The following CNNM2 variants were observed in gnomAD, a reference collection of about 807,000 sequenced individuals.
CNNM2 encodes the protein metal transporter CNNM2.
In CNNM2, 12 loss-of-function variants were observed where a neutral mutation model predicts 66.9. That is an observed-to-expected ratio of 0.18 (90% CI 0.11 to 0.29). CNNM2 has a LOEUF of 0.29. Among genes scored for constraint, CNNM2 ranks in the 10% least tolerant of loss-of-function variants. The pLI, the probability that CNNM2 is intolerant of heterozygous loss-of-function variation, is 1.00. For synonymous variants in CNNM2, 557 were observed against 501.8 expected, an observed-to-expected ratio of 1.11 and a Z score of -1.47; for missense variants, 705 against 1,167.7, an observed-to-expected ratio of 0.60 and a Z score of 5.77.
chr10:102,979,587 TC>T (rs2063688391), intron 1 of CNNM2, among the ~76,000 whole-genome samples: 2 of 152,196 alleles, frequency 1.3e-5, no homozygotes, highest in Admixed American at 6.5e-5. Context: ...AACATTTGTC[TC>T]CCCGCCACCC....
intron 1 of CNNM2, among the ~76,000 whole-genome samples, chr10:102,929,612 G>C (rs1002433120): frequency 1.3e-5 from 2 of 152,066 alleles, no homozygotes; most frequent in African/African-American, 4.8e-5. Context: ...ACTTTCCTTA[G>C]AGTAAGAATA....
chr10:102,935,880 A>G (rs1846221869), intron 1 of CNNM2, among the ~76,000 whole-genome samples: 1 of 150,512 alleles, frequency 6.6e-6, no homozygotes, highest in African/African-American at 2.5e-5. Context: ...TGGACTCCTA[A>G]AGTGTTGGGA....
intron 1 of CNNM2, among the ~76,000 whole-genome samples, chr10:102,926,821 T>G (rs544539323): frequency 1.0e-3 from 155 of 150,312 alleles, no homozygotes; most frequent in Admixed American, 6.2e-3. Flanking sequence ...GCTCATGCCA[T>G]TCTCATGCCT....
chr10:103,031,841 G>GCC (rs2064828130), intron 1 of CNNM2, among the ~76,000 whole-genome samples: 1 of 152,042 alleles, frequency 6.6e-6, no homozygotes, highest in Admixed American at 6.6e-5. Flanking sequence ...CAAAATGCGG[G>GCC]GGGGGCGTGA....
At position 103,054,357 on chromosome 10, in the gene CNNM2, T is replaced by C; in HGVS notation, c.1794T>C (p.Ala598=). Residue 598 remains alanine (A), a synonymous_variant, in exon 3 of 8, where the codon GCT becomes GCC. Transcript: ENST00000369878. This position sits in a 1 kb window ranked among gnomAD's most constrained non-coding sequence, Gnocchi z 5.2. The part of the protein sequence containing the change: ...YTDNRTKKKV[A]HRERKQDFSA... ...ACAACAGAACGAAAAAGAAAGTGGC[T>C]CACCGGGAACGAAAGCAAGATTTTT... 1 of 1,613,866 alleles carries C rather than the reference T, an allele frequency of 6.2e-7. No individual in the cohort carries two copies. Among genetic ancestry groups the C allele is most frequent in the Non-Finnish European group, 8.5e-7 (1 of 1,179,850 alleles).
chr10:103,010,714 G>A (rs1312040410), intron 1 of CNNM2, among the ~76,000 whole-genome samples: 2 of 152,040 alleles, frequency 1.3e-5, no homozygotes, highest in Non-Finnish European at 2.9e-5. Context: ...CTGGGTTCAA[G>A]CGATTCTCCT....
chr10:102,961,303 G>A (rs1167028380), intron 1 of CNNM2, among the ~76,000 whole-genome samples: 2 of 152,138 alleles, frequency 1.3e-5, no homozygotes, highest in African/African-American at 4.8e-5. Flanking sequence ...ATGTATCGTT[G>A]AGTAATTTGA....
rs1334456450 is a variant in CNNM2 at position 103,029,328 on chromosome 10, C to T, written c.1622-20379C>T. 4.2e-4 allele frequency among the ~76,000 whole-genome samples: 62 copies of T among 148,910 alleles called. No individual in the cohort carries two copies. In the East Asian group the frequency reaches 0.011, roughly 27 times the overall value. On this transcript the variant is annotated intron_variant, in intron 1 of 7. Transcript: ENST00000369878. ...AAAAAAAAAAAAAAAAATAGGCGGG[C>T]GTGGTGGCCAGCACCTGTAATCCCA...
At position 103,056,892 on chromosome 10, in the gene CNNM2, G is replaced by T; in HGVS notation, c.2001G>T (p.Lys667Asn). Reference sequence around the variant, plus strand: ...TCCAGGAACTGAAATATGATGAGAAGAACAAGAAAGCCCCCGAATACTACC... The same window carrying T: ...TCCAGGAACTGAAATATGATGAGAATAACAAGAAAGCCCCCGAATACTACC... ...NVIQELKYDEKNKKAPEYYLY... is the reference protein window; with the variant it reads ...NVIQELKYDENNKKAPEYYLY... The change falls in exon 4 of 8, where the codon AAG becomes AAT. Residue 667 changes from lysine to asparagine, a missense_variant. Physicochemically the swap from Lys to Asn is moderately conservative, Grantham distance 94. Transcript: ENST00000369878. The T allele has an allele frequency of 6.2e-7, 1 of 1,613,916 alleles. No individual in the cohort carries two copies. Among genetic ancestry groups the T allele is most frequent in the South Asian group, 1.1e-5 (1 of 91,072 alleles).
intron 1 of CNNM2, among the ~76,000 whole-genome samples, chr10:102,973,951 T>G (rs2063586535): frequency 6.6e-6 from 1 of 152,172 alleles, no homozygotes; most frequent in African/African-American, 2.4e-5. Context: ...CTTCTGTCAT[T>G]CATCCATCTC....
At position 103,081,668 on chromosome 10, in the gene CNNM2, C is replaced by T. The variant is rs537566026; in HGVS notation, c.*4488C>T. 6.6e-6 allele frequency: 1 copy of T among 152,296 alleles called. No homozygotes were observed. Among genetic ancestry groups the T allele is most frequent in the East Asian group, 1.9e-4 (1 of 5,190 alleles). 9.4% of individuals were successfully genotyped at this position (152,296 alleles called of 1,614,324 possible). On this transcript the variant is annotated 3_prime_UTR_variant, in exon 8 of 8. Transcript: ENST00000369878. ...CCAATAGCTTGCTGCTGTTACTTAG[C>T]AAGGCTGTGACAAGTAGGCCTTCCT...
intron 1 of CNNM2, among the ~76,000 whole-genome samples, chr10:103,044,496 C>T (rs751412721): frequency 1.4e-4 from 21 of 151,526 alleles, no homozygotes; most frequent in Non-Finnish European, 2.8e-4. Context: ...TTCAAGGCTG[C>T]AGTGAGCTAC....
rs538673915 is a variant in CNNM2, at chr10:102,963,724, C to T, written c.1621+43623C>T. 3.3e-5 allele frequency among the ~76,000 whole-genome samples: 5 copies of T among 152,034 alleles called. No homozygotes were observed. The East Asian group carries it at 7.7e-4, about 24-fold the overall frequency. On this transcript the variant is annotated intron_variant, in intron 1 of 7. Transcript: ENST00000369878. ...AAAAAAATAATTTTCTTCATTTAATCGTGTATTCAGCATCTGCTCTGCTAG... is the reference window on the plus strand; with the variant it reads ...AAAAAAATAATTTTCTTCATTTAATTGTGTATTCAGCATCTGCTCTGCTAG...
chr10:102,932,236 C>T (rs1161137904), intron 1 of CNNM2, among the ~76,000 whole-genome samples: 1 of 151,266 alleles, frequency 6.6e-6, no homozygotes, highest in East Asian at 1.9e-4. Flanking sequence ...ATTTTTTGAG[C>T]AACGGGGTTT....
rs185262900 is a variant in CNNM2 at position 103,088,693 on chromosome 10, T to A, written c.*11513T>A. ...TGAGCCGCCGTGCCTGGCCTTGACT[T>A]GAGATTCTGAAGTGAATTTATTCAC... On this transcript the variant is annotated 3_prime_UTR_variant, in exon 8 of 8. Coordinates refer to ENST00000369878, the MANE Select transcript of CNNM2 (RefSeq NM_017649.5). 3.5e-4 allele frequency: 61 copies of A among 175,074 alleles called. No individual in the cohort carries two copies. Among genetic ancestry groups the A allele is most frequent in the Non-Finnish European group, 1.2e-4 (10 of 81,112 alleles). The allele number at this position is 175,074 out of a possible 1,614,324, so 10.8% of individuals were successfully genotyped here.
rs1016764868 is a variant in CNNM2, at chr10:102,928,268, A to C, written c.1621+8167A>C. Among the ~76,000 whole-genome samples the C allele has an allele frequency of 9.2e-5, 14 of 152,202 alleles. 1 individual carries two copies. Among genetic ancestry groups the C allele is most frequent in the Non-Finnish European group, 1.9e-4 (13 of 68,044 alleles). ...AGTCTGTTTGTGCTGCTGTAACAAA[A>C]TACCACAGACTGGGTAACTTAAAAA... On this transcript the variant is annotated intron_variant, in intron 1 of 7. Coordinates refer to ENST00000369878, the MANE Select transcript of CNNM2 (RefSeq NM_017649.5).
intron 1 of CNNM2, among the ~76,000 whole-genome samples, chr10:103,011,330 G>T (rs2064338618): frequency 6.6e-6 from 1 of 152,096 alleles, no homozygotes; most frequent in Non-Finnish European, 1.5e-5. Flanking sequence ...GTGCGTGCCT[G>T]TAATCCCAGC....
In CNNM2 at chr10:103,087,939, T is replaced by G. The variant is rs1371439447; in HGVS notation, c.*10759T>G. On this transcript the variant is annotated 3_prime_UTR_variant, in exon 8 of 8. Transcript: ENST00000369878. ...CTGTGTTCTCTGCTTATAAAATAAT[T>G]TTTTAAAAAGCCTCACTTCACAGTC... 1.3e-5 allele frequency: 2 copies of G among 152,340 alleles called. No homozygotes were observed. Among genetic ancestry groups the G allele is most frequent in the Non-Finnish European group, 2.9e-5 (2 of 68,028 alleles). The allele number at this position is 152,340 out of a possible 1,614,324, so 9.4% of individuals were successfully genotyped here. A position where few individuals can be genotyped will look rare whatever the true frequency, so the allele number is the denominator to read the frequency against.
At chr10:102,960,073 ATAAAT>A (rs1022222455) in intron 1 of CNNM2, among the ~76,000 whole-genome samples, 4 of 151,944 alleles carry the variant, frequency 2.6e-5, no homozygotes, top group Non-Finnish European at 4.4e-5. Context: ...AAATAAATAA[ATAAAT>A]AAATAAATAA....
Sources: allele counts gnomAD v4.1 joint callset (sites outside exome capture counted in the v4.1 genomes callset), GRCh38; gene constraint gnomAD v4.1.1; non-coding constraint Gnocchi (gnomAD v3.1); transcripts MANE v1.5; gene names NCBI Gene and HGNC (gene_info 2026-07-23, HGNC 2026-07-21).